Variants in REDIC1 observed in about 807,000 individuals in gnomAD.
The protein encoded by REDIC1 is HEI10 Interacting Protein 1.
chr12:39,649,645 G>C, the REDIC1 span, among the ~76,000 whole-genome samples: 2 of 147,624 alleles, frequency 1.4e-5, 1 homozygote, highest in South Asian at 4.2e-4. Context: ...TATGTTTCAT[G>C]AGTTATAAAT....
At chr12:39,768,695 T>A in the REDIC1 span, among the ~76,000 whole-genome samples, 2 of 151,956 alleles carry the variant, frequency 1.3e-5, no homozygotes, top group Admixed American at 6.6e-5. Flanking sequence ...CAGTTTGTGA[T>A]GCCCGACAAC....
the REDIC1 span, among the ~76,000 whole-genome samples, chr12:39,845,751 G>A: frequency 6.6e-6 from 1 of 152,124 alleles, no homozygotes; most frequent in Non-Finnish European, 1.5e-5. Flanking sequence ...AGACCCTACT[G>A]TACTGACAAA....
At chr12:39,670,048 C>G in the REDIC1 span, among the ~76,000 whole-genome samples, 2 of 152,118 alleles carry the variant, frequency 1.3e-5, no homozygotes, top group Non-Finnish European at 2.9e-5. Context: ...GATGCTGCCC[C>G]CACTGTCCTG....
chr12:39,776,500 T>C, the REDIC1 span, among the ~76,000 whole-genome samples: 472 of 152,296 alleles, frequency 3.1e-3, 5 homozygotes, highest in African/African-American at 0.011. Flanking sequence ...TTATATTCTC[T>C]GAGAAGTCAG....
At chr12:39,672,265 C>G in the REDIC1 span, among the ~76,000 whole-genome samples, 2 of 151,978 alleles carry the variant, frequency 1.3e-5, no homozygotes, top group East Asian at 3.9e-4. Context: ...TCTCAGGGCC[C>G]CTGATGGTGC....
At chr12:39,708,780 A>T in the REDIC1 span, among the ~76,000 whole-genome samples, 1 of 151,726 alleles carries the variant, frequency 6.6e-6, no homozygotes, top group Non-Finnish European at 1.5e-5. Flanking sequence ...ATCTTTTTAT[A>T]AATGTTTAAT....
At chr12:39,902,381 T>C in the REDIC1 span, among the ~76,000 whole-genome samples, 1 of 151,856 alleles carries the variant, frequency 6.6e-6, no homozygotes, top group South Asian at 2.1e-4. Context: ...AGTGAAAAGA[T>C]ATGTACATAC....
chr12:39,815,400 T>C, the REDIC1 span, among the ~76,000 whole-genome samples: 1 of 152,202 alleles, frequency 6.6e-6, no homozygotes, highest in African/African-American at 2.4e-5. Flanking sequence ...TATAAAATCA[T>C]TTGGAAGAAT....
chr12:39,837,404 C>T, the REDIC1 span, among the ~76,000 whole-genome samples: 860 of 135,032 alleles, frequency 6.4e-3, 7 homozygotes, highest in Middle Eastern at 0.036. Context: ...AAAACCTAGG[C>T]ATTACCATTC....
chr12:39,828,654 A>G, the REDIC1 span, among the ~76,000 whole-genome samples: 4 of 151,866 alleles, frequency 2.6e-5, no homozygotes, highest in Non-Finnish European at 5.9e-5. Flanking sequence ...AACTATGTAC[A>G]TTTCTTTTTT....
chr12:39,817,208 A>G, the REDIC1 span, among the ~76,000 whole-genome samples: 1 of 152,248 alleles, frequency 6.6e-6, no homozygotes, highest in South Asian at 2.1e-4. Flanking sequence ...CAACAAATTC[A>G]TTAGAAAGTC....
At chr12:39,647,781 C>T in the REDIC1 span, 2 of 1,449,310 alleles carry the variant, frequency 1.4e-6, no homozygotes, top group Non-Finnish European at 1.8e-6. Flanking sequence ...ATTTTATCTT[C>T]TTTCCTATAG....
the REDIC1 span, among the ~76,000 whole-genome samples, chr12:39,740,309 G>A: frequency 2.6e-5 from 4 of 152,136 alleles, no homozygotes; most frequent in African/African-American, 7.2e-5. Flanking sequence ...AAGCTCTTGA[G>A]ACCATTTATA....
the REDIC1 span, among the ~76,000 whole-genome samples, chr12:39,677,219 C>T: frequency 6.6e-6 from 1 of 152,112 alleles, no homozygotes; most frequent in African/African-American, 2.4e-5. Context: ...CATAAGAATT[C>T]ACATAAACTT....
chr12:39,782,069 A>G, the REDIC1 span, among the ~76,000 whole-genome samples: 1 of 152,228 alleles, frequency 6.6e-6, no homozygotes, highest in Non-Finnish European at 1.5e-5. Context: ...TAATCATAGT[A>G]TGGAACTATG....
chr12:39,782,005 A>C, the REDIC1 span, among the ~76,000 whole-genome samples: 112,589 of 152,086 alleles, frequency 0.74, 42,928 homozygotes, highest in Non-Finnish European at 0.84. Flanking sequence ...AAATTACCCA[A>C]CATCTAGGCT....
chr12:39,669,962 G>T, the REDIC1 span, among the ~76,000 whole-genome samples: 3 of 152,134 alleles, frequency 2.0e-5, no homozygotes, highest in Admixed American at 2.0e-4. Context: ...CCCTTTCTTT[G>T]ACTAGGAGAG....
chr12:39,642,127 C>G, the REDIC1 span, among the ~76,000 whole-genome samples: 1 of 151,566 alleles, frequency 6.6e-6, no homozygotes, highest in African/African-American at 2.4e-5. Flanking sequence ...AAATTGTTTT[C>G]TAGTTGTTTT....
At chr12:39,711,731 GTGTGTA>G in the REDIC1 span, among the ~76,000 whole-genome samples, 1 of 9,240 alleles carries the variant, frequency 1.1e-4, no homozygotes, top group African/African-American at 2.6e-4. Flanking sequence ...GCACATGCAT[GTGTGTA>G]TGTGTGTATA....
Sources: allele counts gnomAD v4.1 joint callset (sites outside exome capture counted in the v4.1 genomes callset), GRCh38; gene constraint gnomAD v4.1.1; transcripts MANE v1.5; gene names NCBI Gene and HGNC (gene_info 2026-07-23, HGNC 2026-07-21).